The following LYPD6B variants were observed in gnomAD, a reference collection of about 807,000 sequenced individuals.
The protein encoded by LYPD6B is ly6/PLAUR domain-containing protein 6B.
LYPD6B carries 17 observed loss-of-function variants against 22.8 expected under a neutral mutation model. That is an observed-to-expected ratio of 0.75 (90% CI 0.51 to 1.12). The LOEUF (loss-of-function observed/expected upper bound fraction) is 1.12, where lower values mean the gene tolerates loss of function less well. LYPD6B is among the 50% of genes most tolerant of loss of function. The pLI is 0.00. For synonymous variants in LYPD6B, 106 were observed against 91.6 expected (o/e 1.16, Z -0.90); for missense variants, 221 against 258.3 (o/e 0.86, Z 0.99).
intron 4 of LYPD6B, 129 bp from the exon 5 acceptor site, chr2:149,208,185 A>C: frequency 1.6e-6 from 1 of 637,158 alleles, no homozygotes; most frequent in Non-Finnish European, 2.8e-6. Flanking sequence ...CTCTAGAAAC[A>C]GTAATTGTAA....
At chr2:149,087,238 C>G (rs1685444313) in intron 1 of LYPD6B, among the ~76,000 whole-genome samples, 1 of 152,178 alleles carries the variant, frequency 6.6e-6, no homozygotes, top group African/African-American at 2.4e-5. Flanking sequence ...TTTCCCTTCT[C>G]CCTTCCCCTG....
chr2:149,160,906 G>A, intron 3 of LYPD6B, 71 bp downstream of exon 3: 2 of 1,153,632 alleles, frequency 1.7e-6, no homozygotes, highest in Non-Finnish European at 2.5e-6. Flanking sequence ...GTTGGGAATG[G>A]ACTCCTGAAA....
At chr2:149,070,647 C>T (rs762099208) in intron 1 of LYPD6B, among the ~76,000 whole-genome samples, 1 of 152,158 alleles carries the variant, frequency 6.6e-6, no homozygotes, top group African/African-American at 2.4e-5. Context: ...CTGACCTTCT[C>T]CATAATTAGA....
chr2:149,158,700 A>G (rs1454776619), intron 2 of LYPD6B, among the ~76,000 whole-genome samples: 1 of 152,260 alleles, frequency 6.6e-6, no homozygotes, highest in Non-Finnish European at 1.5e-5. Flanking sequence ...TTTTACCATA[A>G]TAAAAAAGTT....
intron 1 of LYPD6B, among the ~76,000 whole-genome samples, chr2:149,102,271 A>T (rs550498888): frequency 1.3e-4 from 20 of 152,346 alleles, no homozygotes; most frequent in African/African-American, 4.6e-4. Flanking sequence ...AATCCAAGTT[A>T]CTACTGGCAC....
At chr2:149,193,249 A>G (rs532650521) in intron 3 of LYPD6B, among the ~76,000 whole-genome samples, 11 of 152,166 alleles carry the variant, frequency 7.2e-5, no homozygotes, top group Non-Finnish European at 1.3e-4. Flanking sequence ...GGAATAAAAA[A>G]CAGAAGAATC....
intron 1 of LYPD6B, among the ~76,000 whole-genome samples, chr2:149,115,397 G>A (rs1416159424): frequency 1.3e-5 from 2 of 152,134 alleles, no homozygotes; most frequent in African/African-American, 4.8e-5. Context: ...CAGATCCTTT[G>A]AAAAACTAGA....
intron 2 of LYPD6B, among the ~76,000 whole-genome samples, chr2:149,132,976 T>C (rs533932022): frequency 6.6e-6 from 1 of 152,326 alleles, no homozygotes; most frequent in East Asian, 1.9e-4. Context: ...CTTATTTAAT[T>C]ATATTTCAGA....
At chr2:149,199,840 T>C (rs1435252945) in intron 3 of LYPD6B, among the ~76,000 whole-genome samples, 2 of 152,220 alleles carry the variant, frequency 1.3e-5, no homozygotes, top group East Asian at 3.9e-4. Context: ...GGTTAGGAAC[T>C]GAAGCCTCAG....
chr2:149,057,408 A>G (rs1342593498), intron 1 of LYPD6B, among the ~76,000 whole-genome samples: 2 of 151,382 alleles, frequency 1.3e-5, no homozygotes, highest in East Asian at 3.9e-4. Flanking sequence ...TTTTAATTAC[A>G]GTGCCTTTTT....
chr2:149,112,154 A>G (rs1424573104), intron 1 of LYPD6B, among the ~76,000 whole-genome samples: 1 of 152,176 alleles, frequency 6.6e-6, no homozygotes. Context: ...GTAAAGGGGA[A>G]CACAAAAATG....
chr2:149,212,734 A>G (rs954894623), intron 5 of LYPD6B, among the ~76,000 whole-genome samples: 1 of 152,198 alleles, frequency 6.6e-6, no homozygotes, highest in Non-Finnish European at 1.5e-5. Flanking sequence ...GTTTTTCCTC[A>G]GCTCTAACTG....
intron 1 of LYPD6B, among the ~76,000 whole-genome samples, chr2:149,097,402 T>C (rs1200408181): frequency 6.6e-6 from 1 of 152,348 alleles, no homozygotes; most frequent in African/African-American, 2.4e-5. Context: ...GAAGTAGGGT[T>C]GCCAGATAAA....
chr2:149,161,627 A>C (rs935374330), intron 3 of LYPD6B: 1 of 152,140 alleles, frequency 6.6e-6, no homozygotes, highest in Non-Finnish European at 1.5e-5. Context: ...CTTCTTGGCT[A>C]TCAAGGCTAT....
intron 3 of LYPD6B, among the ~76,000 whole-genome samples, chr2:149,189,365 T>TATAC (rs1178625472): frequency 3.2e-5 from 3 of 93,250 alleles, no homozygotes; most frequent in African/African-American, 7.1e-5. Flanking sequence ...TATATATATA[T>TATAC]ATACACACAC....
intron 3 of LYPD6B, among the ~76,000 whole-genome samples, chr2:149,163,062 G>A (rs1690188211): frequency 6.6e-6 from 1 of 152,152 alleles, no homozygotes; most frequent in Non-Finnish European, 1.5e-5. Flanking sequence ...GGTGGGGCAG[G>A]AGTCCTGCTT....
At chr2:149,185,727 A>G (rs1335602603) in intron 3 of LYPD6B, among the ~76,000 whole-genome samples, 1 of 152,242 alleles carries the variant, frequency 6.6e-6, no homozygotes, top group Non-Finnish European at 1.5e-5. Context: ...GAAAGGTTTA[A>G]GCAAGTCAAT....
chr2:149,057,408 A>T, intron 1 of LYPD6B, among the ~76,000 whole-genome samples: 1 of 151,382 alleles, frequency 6.6e-6, no homozygotes, highest in African/African-American at 2.4e-5. Context: ...TTTTAATTAC[A>T]GTGCCTTTTT....
intron 1 of LYPD6B, among the ~76,000 whole-genome samples, chr2:149,097,897 T>G (rs1381984787): frequency 6.6e-6 from 1 of 152,190 alleles, no homozygotes; most frequent in Non-Finnish European, 1.5e-5. Context: ...CATTCCATCA[T>G]GTACTCAAAT....
Sources: allele counts gnomAD v4.1 joint callset (sites outside exome capture counted in the v4.1 genomes callset), GRCh38; gene constraint gnomAD v4.1.1; transcripts MANE v1.5; gene names NCBI Gene and HGNC (gene_info 2026-07-23, HGNC 2026-07-21).